CRTC1: variants seen among roughly 807,000 people sequenced by gnomAD.
CRTC1 encodes CREB-regulated transcription coactivator 1.
CRTC1 carries 18 observed loss-of-function variants against 66.1 expected under a neutral mutation model. The observed-to-expected ratio is 0.27, with a 90% CI of 0.19 to 0.40. CRTC1 has a LOEUF of 0.40. CRTC1 is among the 10% of genes least tolerant of loss of function. The probability of loss-of-function intolerance (pLI) is 1.00; values close to 1 mark genes in which losing one functional copy is unlikely to be tolerated. For missense variants in CRTC1, 669 were observed against 887.9 expected (o/e 0.75, Z 3.13); for synonymous variants, 416 against 398.8 (o/e 1.04, Z -0.51).
At chr19:18,752,068 T>C (rs958858229) in intron 5 of CRTC1, among the ~76,000 whole-genome samples, 6 of 149,676 alleles carry the variant, frequency 4.0e-5, no homozygotes, top group African/African-American at 1.2e-4. Context: ...CAGGAGAATC[T>C]CTTGAACCCA....
chr19:18,739,118 G>A (rs1486238640), intron 1 of CRTC1, among the ~76,000 whole-genome samples: 2 of 152,216 alleles, frequency 1.3e-5, no homozygotes, highest in African/African-American at 4.8e-5. Flanking sequence ...AGTGAGGGGC[G>A]CCCTGGGAGC....
At chr19:18,723,538 G>A (rs1242320775) in intron 1 of CRTC1, among the ~76,000 whole-genome samples, 2 of 152,228 alleles carry the variant, frequency 1.3e-5, no homozygotes, top group African/African-American at 4.8e-5. Flanking sequence ...CCATGCTGTG[G>A]CTTAAAGTGT....
At chr19:18,742,803 T>C (rs1361430434) in intron 1 of CRTC1, 107 bp from the exon 2 acceptor site, 4 of 788,436 alleles carry the variant, frequency 5.1e-6, no homozygotes, top group Non-Finnish European at 6.6e-6. Flanking sequence ...CTTCTGCACT[T>C]AGGCTGTCAA....
intron 2 of CRTC1, chr19:18,744,155 G>A (rs771988521): frequency 9.9e-6 from 16 of 1,611,506 alleles, no homozygotes; most frequent in African/African-American, 1.3e-5. Flanking sequence ...CTGTCTCTCT[G>A]GTAAATGAGC....
Position 18,777,660 on chromosome 19 carries a change from C to T in CRTC1, c.*278C>T, listed in dbSNP as rs2055023519. The T allele has an allele frequency of 2.2e-6, 1 of 456,510 alleles. No individual in the cohort carries two copies. Among genetic ancestry groups the T allele is most frequent in the Admixed American group, 4.5e-5 (1 of 22,270 alleles). 28.3% of individuals were successfully genotyped at this position (456,510 alleles called of 1,614,324 possible). ...TGCAGACCCTCCCTGCACTGGCTCC[C>T]TCGCCCCCAGCCCCGGGGCCTGAGC... On this transcript the variant is annotated 3_prime_UTR_variant, in exon 14 of 14. Coordinates refer to ENST00000321949, the MANE Select transcript of CRTC1 (RefSeq NM_015321.3). This position sits in a 1 kb window ranked among gnomAD's most constrained non-coding sequence, Gnocchi z 5.5.
chr19:18,753,592 G>A lies in CRTC1; in HGVS notation c.624+7G>A, dbSNP rs1224681465. ...AGCATGGGACACCAAGAAGGTAAGA[G>A]CCTATGAGCTTTCAAAAACTTTTTT... On this transcript the variant is annotated splice_region_variant and intron_variant, in intron 6 of 13. Coordinates refer to ENST00000321949, the MANE Select transcript of CRTC1 (RefSeq NM_015321.3). The A allele has an allele frequency of 2.5e-6, 4 of 1,598,680 alleles. No individual in the cohort carries two copies. Among genetic ancestry groups the A allele is most frequent in the Non-Finnish European group, 3.4e-6 (4 of 1,173,034 alleles).
At chr19:18,753,916 A>T (rs906333245) in intron 6 of CRTC1, among the ~76,000 whole-genome samples, 15 of 152,100 alleles carry the variant, frequency 9.9e-5, no homozygotes, top group Non-Finnish European at 1.9e-4. Flanking sequence ...CCTGGCCAAC[A>T]TGGTGAAACC....
intron 1 of CRTC1, among the ~76,000 whole-genome samples, chr19:18,715,933 T>C (rs528704482): frequency 6.6e-6 from 1 of 152,300 alleles, no homozygotes; most frequent in East Asian, 1.9e-4. Context: ...TTTGGAGCTG[T>C]CCCCGGCATT....
chr19:18,692,990 G>A (rs1600753013), intron 1 of CRTC1, among the ~76,000 whole-genome samples: 1 of 147,048 alleles, frequency 6.8e-6, no homozygotes, highest in East Asian at 2.0e-4. Flanking sequence ...CAGGAGAATC[G>A]CTTGAACCTG....
chr19:18,753,709 C>T (rs182887880), intron 6 of CRTC1, 124 bp downstream of exon 6: 12 of 654,520 alleles, frequency 1.8e-5, no homozygotes, highest in African/African-American at 1.5e-4. Flanking sequence ...AACCTCACTC[C>T]GATTTTTCCA....
chr19:18,779,971 C>T lies in CRTC1; in HGVS notation c.*2589C>T, dbSNP rs563229106. 45 of 229,106 alleles carry T rather than the reference C, an allele frequency of 2.0e-4. No homozygotes were observed. Among genetic ancestry groups the T allele is most frequent in the African/African-American group, 8.0e-4 (36 of 45,180 alleles). The allele number at this position is 229,106 out of a possible 1,614,324, so 14.2% of individuals were successfully genotyped here. Reference sequence around the variant, plus strand: ...CGGGCCTCCCAGGGGGTCTGTATCACGGCCTTTTGTGTGTGCGTACGTGTG... The same window carrying T: ...CGGGCCTCCCAGGGGGTCTGTATCATGGCCTTTTGTGTGTGCGTACGTGTG... On this transcript the variant is annotated 3_prime_UTR_variant, in exon 14 of 14. Transcript: ENST00000321949.
At chr19:18,728,777 A>G (rs1015663265) in intron 1 of CRTC1, among the ~76,000 whole-genome samples, 4 of 140,598 alleles carry the variant, frequency 2.8e-5, no homozygotes, top group African/African-American at 1.1e-4. Flanking sequence ...AGACCTCCCA[A>G]AGTTCTGGGA....
chr19:18,755,177 CAG>C (rs1042864505), intron 6 of CRTC1, among the ~76,000 whole-genome samples: 3 of 151,798 alleles, frequency 2.0e-5, no homozygotes, highest in African/African-American at 4.8e-5. Flanking sequence ...TTGGTAGAAA[CAG>C]GGTTTCACCA....
intron 2 of CRTC1, chr19:18,744,203 G>A: frequency 6.3e-7 from 1 of 1,584,106 alleles, no homozygotes; most frequent in Non-Finnish European, 8.6e-7. Flanking sequence ...GCGCCAGCCT[G>A]CAAGACCCCG....
chr19:18,708,575 G>A (rs180982788), intron 1 of CRTC1, among the ~76,000 whole-genome samples: 18 of 152,324 alleles, frequency 1.2e-4, no homozygotes, highest in East Asian at 1.9e-4. Flanking sequence ...GTCTCCTGGG[G>A]CATCACAGGG....
intron 1 of CRTC1, among the ~76,000 whole-genome samples, chr19:18,684,852 G>C (rs936964194): frequency 6.7e-6 from 1 of 148,416 alleles, no homozygotes; most frequent in African/African-American, 2.5e-5. Flanking sequence ...GTCTGAGCAC[G>C]GCAAGGCACC....
intron 12 of CRTC1, 58 bp from the exon 13 acceptor site, chr19:18,775,583 G>T: frequency 7.0e-7 from 1 of 1,432,306 alleles, no homozygotes; most frequent in South Asian, 1.4e-5. Context: ...AGGGCTTGGG[G>T]TGGCCAGCTG....
intron 4 of CRTC1, among the ~76,000 whole-genome samples, chr19:18,748,306 T>C (rs2054289472): frequency 6.6e-6 from 1 of 150,834 alleles, no homozygotes; most frequent in Non-Finnish European, 1.5e-5. Flanking sequence ...TGGAGTGCAA[T>C]GGCGCGATCA....
At position 18,780,630 on chromosome 19, in the gene CRTC1, C is replaced by T. The variant is rs1172756797; in HGVS notation, c.*3248C>T. 2 of 227,800 alleles carry T rather than the reference C, an allele frequency of 8.8e-6. No individual in the cohort carries two copies. Among genetic ancestry groups the T allele is most frequent in the Non-Finnish European group, 1.7e-5 (2 of 114,808 alleles). 14.1% of individuals were successfully genotyped at this position (227,800 alleles called of 1,614,324 possible). ...GCTTGGGGGCTGTGAGCTGGGACCT[C>T]GCCTGAGCCCGGTCAGGTGGGACAG... is the stretch of plus-strand genomic sequence containing the variant. On this transcript the variant is annotated 3_prime_UTR_variant, in exon 14 of 14. Transcript: ENST00000321949.
Sources: allele counts gnomAD v4.1 joint callset (sites outside exome capture counted in the v4.1 genomes callset), GRCh38; gene constraint gnomAD v4.1.1; non-coding constraint Gnocchi (gnomAD v3.1); transcripts MANE v1.5; gene names NCBI Gene and HGNC (gene_info 2026-07-23, HGNC 2026-07-21).